The following PLXNA4 variants were observed in gnomAD, a reference collection of about 807,000 sequenced individuals.
The protein encoded by PLXNA4 is plexin A4.
In PLXNA4, 44 loss-of-function variants were observed where a neutral mutation model predicts 191.8. That is an observed-to-expected ratio of 0.23 (90% confidence interval 0.18 to 0.29). PLXNA4 has a LOEUF of 0.29. Among genes scored for constraint, PLXNA4 ranks in the 10% least tolerant of loss-of-function variants. PLXNA4 has a pLI of 1.00. For missense variants in PLXNA4, 1,800 were observed against 2,488.8 expected (o/e 0.72, Z 5.89); for synonymous variants, 1,082 against 1,009.5 (o/e 1.07, Z -1.36).
chr7:132,155,894 T>C (rs1795777259), intron 25 of PLXNA4, among the ~76,000 whole-genome samples: 1 of 152,160 alleles, frequency 6.6e-6, no homozygotes, highest in Non-Finnish European at 1.5e-5. Context: ...AGCAGATTTC[T>C]CTCCATAATG....
At chr7:132,500,677 A>T (rs1002999455) in intron 2 of PLXNA4, among the ~76,000 whole-genome samples, 4 of 152,160 alleles carry the variant, frequency 2.6e-5, no homozygotes, top group Non-Finnish European at 5.9e-5. Context: ...TGGTTATTAT[A>T]ACTAAAGGAG....
At chr7:132,381,685 G>T (rs1362844863) in intron 3 of PLXNA4, among the ~76,000 whole-genome samples, 1 of 152,342 alleles carries the variant, frequency 6.6e-6, no homozygotes, top group African/African-American at 2.4e-5. Context: ...TCACACATTT[G>T]GGATGAATGC....
chr7:132,613,053 G>A (rs899116763), intron 2 of PLXNA4, among the ~76,000 whole-genome samples: 1 of 152,122 alleles, frequency 6.6e-6, no homozygotes, highest in Admixed American at 6.5e-5. Context: ...TGTAGTCCTT[G>A]ACGCTTCTGA....
At chr7:132,176,664 A>C (rs531166414) in intron 20 of PLXNA4, among the ~76,000 whole-genome samples, 1 of 150,890 alleles carries the variant, frequency 6.6e-6, no homozygotes, top group Non-Finnish European at 1.5e-5. Context: ...GCAAGTGTGA[A>C]TGTCAGTGTG....
intron 4 of PLXNA4, among the ~76,000 whole-genome samples, chr7:132,279,872 C>T (rs962547369): frequency 1.3e-5 from 2 of 152,142 alleles, no homozygotes; most frequent in Admixed American, 6.5e-5. Context: ...GAGCCGGACG[C>T]CCAAAGCTGA....
In PLXNA4 at chr7:132,203,390, G is replaced by C. The variant is rs1323681345; in HGVS notation, c.2328C>G (p.Asn776Lys). The C allele has an allele frequency of 6.2e-7, 1 of 1,614,184 alleles. No individual in the cohort carries two copies. The highest frequency in any genetic ancestry group is 1.1e-5 in the South Asian group (1 of 91,088). Reference protein sequence around the residue: ...SYSYEGMEINNLPVELTVVWN... With the variant: ...SYSYEGMEINKLPVELTVVWN... ...ACACGACTGTCAACTCCACGGGCAG[G>C]TTGTTGATCTCCATCCCTTCATAGG... Residue 776 changes from asparagine (N) to lysine (K), a missense_variant, in exon 11 of 32, where the codon AAC becomes AAG. Physicochemically the swap from Asn to Lys is moderately conservative, Grantham distance 94. This residue lies in a region of PLXNA4 where 1,397 missense variants were observed against 1,880.4 expected (regional missense o/e 0.74). Transcript: ENST00000321063.
At chr7:132,615,723 G>A (rs1050056666) in intron 2 of PLXNA4, among the ~76,000 whole-genome samples, 5 of 152,170 alleles carry the variant, frequency 3.3e-5, no homozygotes, top group Non-Finnish European at 5.9e-5. Context: ...ATTTGAGCCA[G>A]AGGAAGAAAA....
chr7:132,645,685 A>T (rs1803853035), intron 2 of PLXNA4, among the ~76,000 whole-genome samples: 1 of 152,252 alleles, frequency 6.6e-6, no homozygotes, highest in Non-Finnish European at 1.5e-5. Context: ...GCATAAAACT[A>T]GACTGGAACT....
intron 10 of PLXNA4, among the ~76,000 whole-genome samples, chr7:132,209,168 C>A (rs148060214): frequency 6.1e-4 from 93 of 152,328 alleles, no homozygotes; most frequent in African/African-American, 2.1e-3. Context: ...CGGAGTCAAC[C>A]AAAGGCCAGG....
Position 132,168,481 on chromosome 7 carries a change from C to T in PLXNA4, c.4109G>A (p.Arg1370His), listed in dbSNP as rs749495222. ...NNKVFLLSFI[R>H]TLESQRSFSM... ...GAAGCTACGCTGGGACTCAAGCGTG[C>T]GGATGAAGGACAGCAGGAACACCTT... Residue 1370 changes from arginine (R) to histidine (H), a missense_variant, in exon 22 of 32, where the codon CGC becomes CAC. Physicochemically the swap from Arg to His is conservative, Grantham distance 29. Transcript: ENST00000321063. 5.6e-6 allele frequency: 9 copies of T among 1,613,636 alleles called. No homozygotes were observed. The highest frequency in any genetic ancestry group is 2.2e-5 in the South Asian group (2 of 91,018).
intron 1 of PLXNA4, among the ~76,000 whole-genome samples, chr7:132,559,512 G>GAT (rs1395751484): frequency 6.6e-6 from 1 of 152,168 alleles, no homozygotes; most frequent in Admixed American, 6.5e-5. Context: ...ATGATGCCCG[G>GAT]GCTAGTCAGA....
chr7:132,225,621 C>CCCG (rs1554395274), intron 8 of PLXNA4, among the ~76,000 whole-genome samples: 2 of 151,348 alleles, frequency 1.3e-5, no homozygotes, highest in African/African-American at 4.8e-5. Flanking sequence ...AGTCCGCCCC[C>CCCG]CCCCACAGCT....
chr7:132,145,149 G>C lies in PLXNA4; in HGVS notation c.5195C>G (p.Pro1732Arg). 1.2e-6 allele frequency: 2 copies of C among 1,614,090 alleles called. No individual in the cohort carries two copies. Among genetic ancestry groups the C allele is most frequent in the Non-Finnish European group, 1.7e-6 (2 of 1,180,008 alleles). The change falls in exon 29 of 32, where the codon CCG becomes CGG. Residue 1732 changes from proline to arginine, a missense_variant. Coordinates refer to ENST00000321063, the MANE Select transcript of PLXNA4 (RefSeq NM_020911.2). ...GCTCTTCCAGGTATGGCGGACGTGCGGGTCATGAATGCCATGTTTATCAGC... is the reference window on the plus strand; with the variant it reads ...GCTCTTCCAGGTATGGCGGACGTGCCGGTCATGAATGCCATGTTTATCAGC... ...EQADKHGIHD[P>R]HVRHTWKSNC... is the part of the protein sequence containing the mutation.
intron 21 of PLXNA4, among the ~76,000 whole-genome samples, chr7:132,171,627 G>A (rs535354861): frequency 4.3e-4 from 66 of 152,180 alleles, no homozygotes; most frequent in Non-Finnish European, 8.2e-4. Context: ...GGATTCTTGC[G>A]AGGCTGCCCC....
chr7:132,296,813 T>A (rs1037862114), intron 4 of PLXNA4, among the ~76,000 whole-genome samples: 5 of 151,896 alleles, frequency 3.3e-5, no homozygotes, highest in Admixed American at 6.6e-5. Context: ...ATGGGAAGCC[T>A]CGTGCCCAGC....
At chr7:132,365,664 C>T (rs1248738046) in intron 3 of PLXNA4, among the ~76,000 whole-genome samples, 1 of 152,166 alleles carries the variant, frequency 6.6e-6, no homozygotes, top group Non-Finnish European at 1.5e-5. Context: ...ATACCCAGGG[C>T]ACACAAGAGG....
chr7:132,145,609 CACTT>C, intron 28 of PLXNA4: 1 of 345,258 alleles, frequency 2.9e-6, no homozygotes, highest in Non-Finnish European at 5.5e-6. Context: ...AATGAACACT[CACTT>C]GGTCAGAGCA....
intron 3 of PLXNA4, chr7:132,484,691 A>T: frequency 6.9e-7 from 1 of 1,440,418 alleles, no homozygotes; most frequent in Non-Finnish European, 9.3e-7. Context: ...ACATGTTCCT[A>T]GTCTATTTGG....
intron 2 of PLXNA4, among the ~76,000 whole-genome samples, chr7:132,639,128 C>T (rs1284141308): frequency 6.6e-6 from 1 of 152,202 alleles, no homozygotes; most frequent in Non-Finnish European, 1.5e-5. Flanking sequence ...CGGTGCTGAG[C>T]TTATAACCCA....
Sources: gnomAD v4.1 joint callset for allele counts (sites outside exome capture counted in the v4.1 genomes callset) on GRCh38, gnomAD v4.1.1 for gene constraint, gnomAD v4.1.1 regional missense constraint, MANE v1.5 for transcripts, NCBI Gene and HGNC (gene_info 2026-07-23, HGNC 2026-07-21) for gene names.